The following TMC2 variants were observed in gnomAD, a reference collection of about 807,000 sequenced individuals.
TMC2 encodes transmembrane channel like 2, also known as transmembrane channel-like protein 2.
Under a neutral mutation model 105.9 loss-of-function variants are expected in TMC2, and 102 were observed. The ratio of observed to expected loss-of-function variants is 0.96; its 90% CI spans 0.82 to 1.14. The LOEUF (loss-of-function observed/expected upper bound fraction) is 1.14, where lower values mean the gene tolerates loss of function less well. Among genes scored for constraint, TMC2 ranks in the 50% most tolerant of loss-of-function variants. The pLI is 0.00. For missense variants in TMC2, 1,093 were observed against 1,134.3 expected, an observed-to-expected ratio of 0.96 and a Z score of 0.52; for synonymous variants, 402 against 422.8, an observed-to-expected ratio of 0.95 and a Z score of 0.60.
chr20:2,564,300 A>G (rs1205383938), intron 4 of TMC2, among the ~76,000 whole-genome samples: 1 of 151,746 alleles, frequency 6.6e-6, no homozygotes, highest in Non-Finnish European at 1.5e-5. Flanking sequence ...ACAGGCGCCC[A>G]CCACCGTGCC....
rs146668286 is a variant in TMC2, at chr20:2,636,410, G to C, written c.2385+406G>C. Among the ~76,000 whole-genome samples the C allele has an allele frequency of 1.9e-3, 283 of 150,548 alleles. 2 individuals carry two copies. Among genetic ancestry groups the C allele is most frequent in the African/African-American group, 6.3e-3 (258 of 41,040 alleles). ...ATCTCCTGAGTCCCCTTCACACATG[G>C]GAAGCCTCTCTCAACATCCCAGCTG... On this transcript the variant is annotated intron_variant, in intron 18 of 19. Transcript: ENST00000358864.
chr20:2,554,049 T>G (rs2085972430), intron 2 of TMC2, among the ~76,000 whole-genome samples: 1 of 152,068 alleles, frequency 6.6e-6, no homozygotes, highest in Non-Finnish European at 1.5e-5. Flanking sequence ...CATACCCGGC[T>G]AATTTTTTTG....
chr20:2,589,649 C>T (rs1018332858), intron 7 of TMC2, among the ~76,000 whole-genome samples: 1 of 152,028 alleles, frequency 6.6e-6, no homozygotes, highest in South Asian at 2.1e-4. Context: ...ACTTCCCCTG[C>T]TTTTGCTGGC....
At chr20:2,544,855 T>C (rs754749187) in intron 2 of TMC2, among the ~76,000 whole-genome samples, 3 of 151,258 alleles carry the variant, frequency 2.0e-5, no homozygotes, top group Non-Finnish European at 4.4e-5. Flanking sequence ...AGGCCAGGAG[T>C]TCAAGGCCAG....
chr20:2,565,900 C>T (rs2086060810), intron 4 of TMC2, among the ~76,000 whole-genome samples: 3 of 152,006 alleles, frequency 2.0e-5, no homozygotes, highest in South Asian at 2.1e-4. Flanking sequence ...GTTAGCCGGG[C>T]GTGGTGGTGT....
intron 10 of TMC2, 75 bp downstream of exon 10, chr20:2,597,373 G>A (rs1355194156): frequency 1.4e-6 from 2 of 1,459,512 alleles, no homozygotes; most frequent in Non-Finnish European, 9.4e-7. Flanking sequence ...TCTCCCAGCT[G>A]GGACATAGAA....
chr20:2,633,822 TA>T (rs2086622817), intron 17 of TMC2, among the ~76,000 whole-genome samples: 1 of 152,168 alleles, frequency 6.6e-6, no homozygotes, highest in Admixed American at 6.5e-5. Context: ...TGCTGGAATT[TA>T]GCTGTTTTCC....
chr20:2,610,965 C>T (rs1286331620), intron 12 of TMC2, among the ~76,000 whole-genome samples: 1 of 152,170 alleles, frequency 6.6e-6, no homozygotes, highest in Admixed American at 6.5e-5. Flanking sequence ...TCAATGCTCA[C>T]CACACAATTA....
intron 14 of TMC2, among the ~76,000 whole-genome samples, chr20:2,615,112 A>AG (rs2086470280): frequency 6.6e-6 from 1 of 152,154 alleles, no homozygotes; most frequent in African/African-American, 2.4e-5. Context: ...ACTTGAGGTC[A>AG]GGAATTCAAG....
At chr20:2,605,690 G>A (rs2086385969) in intron 11 of TMC2, among the ~76,000 whole-genome samples, 1 of 152,278 alleles carries the variant, frequency 6.6e-6, no homozygotes, top group Middle Eastern at 3.4e-3. Flanking sequence ...AAGAGACAAA[G>A]TTTCCAAACC....
rs762679885 is a variant in TMC2, at chr20:2,561,990, G to A, written c.534G>A (p.Ala178=). ...TGCGGAGCAAGCCCTGGCCCATGGC[G>A]AAGAAGCTGACAGAGCTCAGGTGAG... ...ATMRSKPWPM[A]KKLTELREAQ... The change falls in exon 4 of 20, where the codon GCG becomes GCA. Residue 178 remains alanine (A), a synonymous_variant. Coordinates refer to ENST00000358864, the MANE Select transcript of TMC2 (RefSeq NM_080751.3). 38 of 1,613,942 alleles carry A rather than the reference G, an allele frequency of 2.4e-5. No individual in the cohort carries two copies. The highest frequency in any genetic ancestry group is 8.3e-5 in the Admixed American group (5 of 59,990).
chr20:2,596,963 G>C (rs935637443), intron 9 of TMC2, among the ~76,000 whole-genome samples, 188 bp from the exon 10 acceptor site: 2 of 152,084 alleles, frequency 1.3e-5, no homozygotes, highest in African/African-American at 4.8e-5. Flanking sequence ...CTCTGAATTT[G>C]GGGGGAAGGG....
At chr20:2,568,920 C>T (rs538906665) in intron 4 of TMC2, among the ~76,000 whole-genome samples, 16 of 152,260 alleles carry the variant, frequency 1.1e-4, no homozygotes, top group Admixed American at 3.3e-4. Context: ...ATCAACTGTC[C>T]ACACTTGTAC....
chr20:2,613,573 A>T, intron 14 of TMC2: 1 of 456,240 alleles, frequency 2.2e-6, no homozygotes, highest in East Asian at 5.2e-5. Flanking sequence ...CATTTGGCCT[A>T]GGGGAAAGTG....
chr20:2,613,068 A>G, intron 13 of TMC2, 126 bp from the exon 14 acceptor site: 1 of 1,292,484 alleles, frequency 7.7e-7, no homozygotes, highest in Non-Finnish European at 1.1e-6. Flanking sequence ...ACAAAGGATC[A>G]GAGGGTCACA....
At chr20:2,622,001 A>G (rs897886181) in intron 16 of TMC2, among the ~76,000 whole-genome samples, 8 of 152,206 alleles carry the variant, frequency 5.3e-5, no homozygotes, top group Admixed American at 1.3e-4. Flanking sequence ...AACTTTTCTC[A>G]TTTGTACATG....
chr20:2,550,872 T>G (rs2085952562), intron 2 of TMC2, among the ~76,000 whole-genome samples: 1 of 152,366 alleles, frequency 6.6e-6, no homozygotes, highest in South Asian at 2.1e-4. Flanking sequence ...AGTTTGTTTA[T>G]GCATTCACCT....
intron 2 of TMC2, among the ~76,000 whole-genome samples, chr20:2,553,133 A>G (rs1367541353): frequency 6.6e-6 from 1 of 152,214 alleles, no homozygotes; most frequent in Non-Finnish European, 1.5e-5. Context: ...CTTCCAACAC[A>G]GTGCTGAACA....
intron 2 of TMC2, among the ~76,000 whole-genome samples, chr20:2,545,667 CAAAA>C (rs898429062): frequency 7.3e-6 from 1 of 137,032 alleles, no homozygotes; most frequent in Non-Finnish European, 1.6e-5. Flanking sequence ...CTAAAGCAAA[CAAAA>C]GAAGAAGAAG....
Sources: allele counts gnomAD v4.1 joint callset (sites outside exome capture counted in the v4.1 genomes callset), GRCh38; gene constraint gnomAD v4.1.1; transcripts MANE v1.5; gene names NCBI Gene and HGNC (gene_info 2026-07-23, HGNC 2026-07-21).